The following GRM7 variants were observed in gnomAD, a reference collection of about 807,000 sequenced individuals.
The protein encoded by GRM7 is glutamate metabotropic receptor 7, also known as metabotropic glutamate receptor 7.
A neutral mutation model predicts 84.5 loss-of-function variants in GRM7; 35 were observed. The ratio of observed to expected loss-of-function variants is 0.41; its 90% CI spans 0.32 to 0.55. GRM7 has a LOEUF of 0.55. GRM7 is among the 20% of genes least tolerant of loss of function. The pLI is 0.19. For synonymous variants in GRM7, 487 were observed against 455.1 expected (o/e 1.07, Z -0.89); for missense variants, 1,003 against 1,194.6 (o/e 0.84, Z 2.36).
intron 1 of GRM7, among the ~76,000 whole-genome samples, chr3:6,885,741 C>T (rs1182217396): frequency 6.6e-6 from 1 of 152,150 alleles, no homozygotes; most frequent in Admixed American, 6.5e-5. Context: ...CTGTGTTTAC[C>T]CCACAAATGC....
chr3:7,731,374 AC>A (rs1403741882), intron 9 of GRM7, among the ~76,000 whole-genome samples: 1 of 152,122 alleles, frequency 6.6e-6, no homozygotes, highest in Non-Finnish European at 1.5e-5. Context: ...CATCTCTAAG[AC>A]CCTCCTAGAG....
At chr3:7,054,575 A>T (rs1697145954) in intron 1 of GRM7, among the ~76,000 whole-genome samples, 1 of 151,738 alleles carries the variant, frequency 6.6e-6, no homozygotes, top group Non-Finnish European at 1.5e-5. Context: ...ATTAACTGTT[A>T]TTATTTCTCG....
chr3:6,865,864 CTT>C (rs34552488), intron 1 of GRM7, among the ~76,000 whole-genome samples: 8,549 of 152,058 alleles, frequency 0.056, 299 homozygotes, highest in Non-Finnish European at 0.081. Context: ...TTAACCTACA[CTT>C]TTTATAATTT....
intron 1 of GRM7, among the ~76,000 whole-genome samples, chr3:7,100,786 C>T (rs752516922): frequency 2.6e-5 from 4 of 151,814 alleles, no homozygotes; most frequent in Non-Finnish European, 4.4e-5. Context: ...TGTTTCCCTT[C>T]TGATCACCCC....
At chr3:7,280,519 AC>A (rs1699217475) in intron 2 of GRM7, among the ~76,000 whole-genome samples, 2 of 152,162 alleles carry the variant, frequency 1.3e-5, no homozygotes, top group South Asian at 4.1e-4. Flanking sequence ...GTATGTGATG[AC>A]TTTGCACTTT....
At chr3:7,212,998 T>C (rs906906653) in intron 2 of GRM7, among the ~76,000 whole-genome samples, 1 of 152,196 alleles carries the variant, frequency 6.6e-6, no homozygotes, top group African/African-American at 2.4e-5. Context: ...CTTGTAAAAC[T>C]TGGTTCGAAA....
At chr3:7,038,550 TACTC>T (rs1574821762) in intron 1 of GRM7, among the ~76,000 whole-genome samples, 1 of 152,138 alleles carries the variant, frequency 6.6e-6, no homozygotes, top group Admixed American at 6.5e-5. Flanking sequence ...GCTAGGAAAA[TACTC>T]ACTGGGTAAC....
intron 4 of GRM7, among the ~76,000 whole-genome samples, chr3:7,325,906 C>T (rs987777070): frequency 1.3e-5 from 2 of 152,098 alleles, no homozygotes; most frequent in African/African-American, 4.8e-5. Flanking sequence ...TGCATGCCTA[C>T]ATCAGATCAT....
chr3:7,295,518 T>C (rs988611156), intron 2 of GRM7, among the ~76,000 whole-genome samples: 1 of 122,786 alleles, frequency 8.1e-6, no homozygotes, highest in African/African-American at 2.6e-5. Context: ...TCTACAAAAA[T>C]AAAATAAAAT....
Position 7,415,168 on chromosome 3 carries a change from T to C in GRM7, c.1174+5T>C. The C allele has an allele frequency of 6.2e-7, 1 of 1,611,702 alleles. No homozygotes were observed. The highest frequency in any genetic ancestry group is 1.3e-5 in the African/African-American group (1 of 74,942). On this transcript the variant is annotated splice_donor_5th_base_variant and intron_variant, in intron 5 of 9. Coordinates refer to ENST00000357716, the MANE Select transcript of GRM7 (RefSeq NM_000844.4). ...ACACAGATCGCAAATGCACAGGTAA[T>C]TTAATTCTCGTTGTCCTTCTCCTAT...
rs375776530 is a variant in GRM7, at chr3:7,259,467, G to A, written c.737-39217G>A. Among the ~76,000 whole-genome samples the A allele has an allele frequency of 4.7e-4, 71 of 152,130 alleles. No homozygotes were observed. In the South Asian group the frequency reaches 0.014, roughly 30 times the overall value. On this transcript the variant is annotated intron_variant, in intron 2 of 9. Coordinates refer to ENST00000357716, the MANE Select transcript of GRM7 (RefSeq NM_000844.4). ...CAACCCAGTGGAGGTAGGTCCCAGT[G>A]TCTGTTGTCCCCCTCTTTGTGTCCA...
At chr3:7,324,434 A>G (rs1700904574) in intron 4 of GRM7, among the ~76,000 whole-genome samples, 2 of 152,184 alleles carry the variant, frequency 1.3e-5, no homozygotes, top group African/African-American at 4.8e-5. Flanking sequence ...TTTTCCCTGG[A>G]CCTGCTGACC....
chr3:6,931,005 A>G (rs761862323), intron 1 of GRM7, among the ~76,000 whole-genome samples: 8 of 151,836 alleles, frequency 5.3e-5, no homozygotes, highest in Admixed American at 1.3e-4. Flanking sequence ...TTACCTCCAC[A>G]CTCATAATCG....
intron 1 of GRM7, among the ~76,000 whole-genome samples, chr3:6,997,742 A>C (rs942673738): frequency 3.3e-5 from 5 of 152,174 alleles, no homozygotes; most frequent in Admixed American, 6.5e-5. Flanking sequence ...CAGTTCCCCA[A>C]AGTCTTAACT....
chr3:6,963,123 G>A (rs977236081), intron 1 of GRM7, among the ~76,000 whole-genome samples: 6 of 152,266 alleles, frequency 3.9e-5, no homozygotes, highest in Non-Finnish European at 7.4e-5. Flanking sequence ...CTTTGGAGAT[G>A]TTTTCCAGGT....
chr3:7,150,119 G>A (rs983506679), intron 2 of GRM7, among the ~76,000 whole-genome samples: 1 of 151,786 alleles, frequency 6.6e-6, no homozygotes, highest in Non-Finnish European at 1.5e-5. Context: ...GAGAGAGGGG[G>A]GTGCATAGAC....
intron 2 of GRM7, among the ~76,000 whole-genome samples, chr3:7,174,174 G>T (rs939292795): frequency 1.3e-5 from 2 of 152,160 alleles, no homozygotes; most frequent in Non-Finnish European, 2.9e-5. Flanking sequence ...AAAAAACTTA[G>T]TGATGGAAAA....
chr3:7,711,168 T>C (rs546660274), intron 9 of GRM7, among the ~76,000 whole-genome samples: 1 of 152,314 alleles, frequency 6.6e-6, no homozygotes, highest in East Asian at 1.9e-4. Flanking sequence ...AAAGAATATG[T>C]ATGCAGAAAA....
chr3:7,709,337 T>C (rs763792995), intron 9 of GRM7, among the ~76,000 whole-genome samples: 1 of 152,140 alleles, frequency 6.6e-6, no homozygotes. Context: ...ATGGCATAGT[T>C]TGGAACAGAG....
Sources: allele counts gnomAD v4.1 joint callset (sites outside exome capture counted in the v4.1 genomes callset), GRCh38; gene constraint gnomAD v4.1.1; transcripts MANE v1.5; gene names NCBI Gene and HGNC (gene_info 2026-07-23, HGNC 2026-07-21).